Variants in PCDHA7 observed in about 807,000 individuals in gnomAD.
PCDHA7 encodes the protein protocadherin alpha 7.
PCDHA7 carries 37 observed loss-of-function variants against 57.2 expected under a neutral mutation model. The observed-to-expected ratio is 0.65, with a 90% CI of 0.50 to 0.85. PCDHA7 has a LOEUF of 0.85. Among genes scored for constraint, PCDHA7 ranks in the 40% least tolerant of loss-of-function variants. The pLI is 0.00. For missense variants in PCDHA7, 1,188 were observed against 1,241.8 expected (o/e 0.96, Z 0.65); for synonymous variants, 553 against 558.8 (o/e 0.99, Z 0.15).
intron 1 of PCDHA7, among the ~76,000 whole-genome samples, chr5:140,916,167 C>T (rs2077462600): frequency 6.6e-6 from 1 of 152,080 alleles, no homozygotes; most frequent in South Asian, 2.1e-4. Context: ...TGCTGCCAGG[C>T]CTGGGACTCT....
Position 140,975,977 on chromosome 5 carries a change from TA to T in PCDHA7, c.2356-2971del, listed in dbSNP as rs781900191. ...GTTCTTCACCAATAGAAAGTAAGCATAGTCCTGGGAGGTACCATCTAAGTAT... is the reference window on the plus strand; with the variant it reads ...GTTCTTCACCAATAGAAAGTAAGCATGTCCTGGGAGGTACCATCTAAGTAT... On this transcript the variant is annotated intron_variant, in intron 1 of 3. Coordinates refer to ENST00000525929, the MANE Select transcript of PCDHA7 (RefSeq NM_018910.3). Among the ~76,000 whole-genome samples, 17 of 152,284 alleles carry T rather than the reference TA, an allele frequency of 1.1e-4. 1 individual carries two copies. The highest frequency in any genetic ancestry group is 1.8e-4 in the Non-Finnish European group (12 of 68,014).
chr5:140,975,707 A>G (rs1445809800), intron 1 of PCDHA7, among the ~76,000 whole-genome samples: 1 of 152,204 alleles, frequency 6.6e-6, no homozygotes, highest in East Asian at 1.9e-4. Context: ...ATTTTACTTT[A>G]AATCTTAGAA....
chr5:140,836,227 C>T lies in PCDHA7; in HGVS notation c.1844C>T (p.Ala615Val). 1.2e-6 allele frequency: 2 copies of T among 1,613,736 alleles called. No individual in the cohort carries two copies. Among genetic ancestry groups the T allele is most frequent in the South Asian group, 1.1e-5 (1 of 91,074 alleles). ...CTTTCGTATGAGTTGCAACCGGTGG[C>T]GGCCGGTGCGAGCATCCCGTTCCGC... Reference protein sequence around the residue: ...AWLSYELQPVAAGASIPFRVG... With the variant: ...AWLSYELQPVVAGASIPFRVG... The change falls in exon 1 of 4, where the codon GCG becomes GTG. Residue 615 changes from alanine to valine, a missense_variant. Around this residue, in one of 3 missense-constraint regions of PCDHA7, gnomAD observed 892 missense variants for 788.5 expected, o/e 1.13. Coordinates refer to ENST00000525929, the MANE Select transcript of PCDHA7 (RefSeq NM_018910.3).
At chr5:140,944,335 G>A (rs1196825895) in intron 1 of PCDHA7, among the ~76,000 whole-genome samples, 1 of 151,986 alleles carries the variant, frequency 6.6e-6, no homozygotes, top group African/African-American at 2.4e-5. Context: ...TTACAAGCAC[G>A]TGCCACCACA....
chr5:140,966,826 G>T, intron 1 of PCDHA7: 5 of 1,560,694 alleles, frequency 3.2e-6, no homozygotes, highest in Non-Finnish European at 4.3e-6. Context: ...GGCGGCCCAT[G>T]CCCTGGCTGC....
chr5:140,882,261 AGTGTACCATGCT>A (rs1554173264), intron 1 of PCDHA7: 1 of 1,604,356 alleles, frequency 6.2e-7, no homozygotes, highest in Non-Finnish European at 8.5e-7. Flanking sequence ...AGGTTTTTGG[AGTGTACCATGCT>A]GTCTTCCTGG....
chr5:140,916,584 G>T (rs1257440146), intron 1 of PCDHA7, among the ~76,000 whole-genome samples: 1 of 152,186 alleles, frequency 6.6e-6, no homozygotes, highest in Non-Finnish European at 1.5e-5. Flanking sequence ...TGTCATCCAT[G>T]AGCTAGGGCC....
At chr5:140,878,897 A>G (rs1366976155) in intron 1 of PCDHA7, among the ~76,000 whole-genome samples, 1 of 152,232 alleles carries the variant, frequency 6.6e-6, no homozygotes, top group Non-Finnish European at 1.5e-5. Context: ...GACTACAGGC[A>G]GGCTCCACCA....
rs1554263543 is a variant in PCDHA7, at chr5:141,011,545, G to A, written c.*1608G>A. 1 of 153,624 alleles carries A rather than the reference G, an allele frequency of 6.5e-6. No individual in the cohort carries two copies. Among genetic ancestry groups the A allele is most frequent in the Non-Finnish European group, 1.5e-5 (1 of 68,004 alleles). 9.5% of individuals were successfully genotyped at this position (153,624 alleles called of 1,614,324 possible). A position where few individuals can be genotyped will look rare whatever the true frequency, so the allele number is the denominator to read the frequency against. Reference sequence around the variant, plus strand: ...TTAACCATTGTTAATCAGCTTTTGTGTATGAAAGACACAGTAAAATTTCTT... The same window carrying A: ...TTAACCATTGTTAATCAGCTTTTGTATATGAAAGACACAGTAAAATTTCTT... On this transcript the variant is annotated 3_prime_UTR_variant, in exon 4 of 4. Coordinates refer to ENST00000525929, the MANE Select transcript of PCDHA7 (RefSeq NM_018910.3).
At chr5:140,862,844 C>G (rs782433146) in intron 1 of PCDHA7, 1 of 571,262 alleles carries the variant, frequency 1.8e-6, no homozygotes. Flanking sequence ...GGCATGCCGC[C>G]TCTGAGCAGC....
intron 1 of PCDHA7, chr5:140,875,473 A>G (rs782269579): frequency 6.2e-6 from 10 of 1,606,342 alleles, no homozygotes; most frequent in Non-Finnish European, 8.5e-6. Flanking sequence ...ATTTTCTGCA[A>G]TGGTGATTAT....
chr5:140,969,680 G>A (rs2096353475), intron 1 of PCDHA7, among the ~76,000 whole-genome samples: 1 of 152,204 alleles, frequency 6.6e-6, no homozygotes, highest in African/African-American at 2.4e-5. Context: ...TGAGACTCAA[G>A]GAGAAATGGC....
At chr5:140,934,988 C>A (rs901740982) in intron 1 of PCDHA7, among the ~76,000 whole-genome samples, 5 of 152,154 alleles carry the variant, frequency 3.3e-5, no homozygotes, top group Non-Finnish European at 7.4e-5. Context: ...AGTGATAACA[C>A]CCTGAATCCT....
chr5:140,886,828 A>G (rs74967108), intron 1 of PCDHA7, among the ~76,000 whole-genome samples: 4 of 133,052 alleles, frequency 3.0e-5, no homozygotes, highest in Non-Finnish European at 6.5e-5. Flanking sequence ...CTTCGTCTTG[A>G]AAAAAAAAAA....
At chr5:140,883,690 C>T (rs1313254041) in intron 1 of PCDHA7, 1 of 1,613,870 alleles carries the variant, frequency 6.2e-7, no homozygotes, top group Non-Finnish European at 8.5e-7. Context: ...GCTGCCACAT[C>T]TTCACGGTGT....
chr5:140,882,133 G>A, intron 1 of PCDHA7: 1 of 1,483,612 alleles, frequency 6.7e-7, no homozygotes, highest in Non-Finnish European at 9.0e-7. Flanking sequence ...TCTTCCTGCA[G>A]AAAATATAGC....
At chr5:140,853,620 T>C (rs2042810253) in intron 1 of PCDHA7, 2 of 988,130 alleles carry the variant, frequency 2.0e-6, no homozygotes, top group African/African-American at 1.8e-5. Context: ...TGTAAATAAG[T>C]ATACAAGATC....
intron 1 of PCDHA7, among the ~76,000 whole-genome samples, chr5:140,959,555 T>A (rs538493851): frequency 1.3e-5 from 2 of 152,118 alleles, no homozygotes; most frequent in African/African-American, 4.8e-5. Flanking sequence ...ATAAATAGAA[T>A]CAGTACTAGA....
intron 1 of PCDHA7, among the ~76,000 whole-genome samples, chr5:140,892,823 C>T (rs1554185387): frequency 6.6e-6 from 1 of 152,120 alleles, no homozygotes; most frequent in East Asian, 1.9e-4. Context: ...TCCTACAGTG[C>T]TACAGTGCTG....
Sources: allele counts gnomAD v4.1 joint callset (sites outside exome capture counted in the v4.1 genomes callset), GRCh38; gene constraint gnomAD v4.1.1; regional missense constraint gnomAD v4.1.1; transcripts MANE v1.5; gene names NCBI Gene and HGNC (gene_info 2026-07-23, HGNC 2026-07-21).